Variants in KMT2C observed in about 807,000 individuals in gnomAD.
KMT2C encodes the protein lysine methyltransferase 2C.
KMT2C carries 88 observed loss-of-function variants against 507.9 expected under a neutral mutation model. That is an observed-to-expected ratio of 0.17 (90% CI 0.15 to 0.21). The LOEUF is 0.21. Ranked by LOEUF, KMT2C falls within the 10% of genes least tolerant of loss-of-function variation. KMT2C has a pLI of 1.00. For missense variants in KMT2C, 4,954 were observed against 5,957.8 expected (o/e 0.83, Z 5.55); for synonymous variants, 2,049 against 2,080.8 (o/e 0.98, Z 0.42).
At chr7:152,397,064 T>C (rs1459086694) in intron 1 of KMT2C, among the ~76,000 whole-genome samples, 2 of 152,156 alleles carry the variant, frequency 1.3e-5, no homozygotes, top group African/African-American at 2.4e-5. Flanking sequence ...CTAAGATCAA[T>C]CTCTAATCTA....
intron 1 of KMT2C, among the ~76,000 whole-genome samples, chr7:152,410,724 C>T (rs1006635271): frequency 2.0e-5 from 3 of 151,258 alleles, no homozygotes; most frequent in African/African-American, 7.3e-5. Context: ...CAGCCGGGCC[C>T]AGTGACTCAC....
intron 7 of KMT2C, among the ~76,000 whole-genome samples, chr7:152,272,901 T>C (rs575472172): frequency 2.6e-4 from 40 of 152,066 alleles, no homozygotes; most frequent in Non-Finnish European, 5.0e-4. Flanking sequence ...AAGGAACAGA[T>C]AAAAGCTAAC....
chr7:152,181,688 C>T lies in KMT2C; in HGVS notation c.6172G>A (p.Gly2058Arg), dbSNP rs1400109170. The T allele has an allele frequency of 6.2e-7, 1 of 1,614,082 alleles. No homozygotes were observed. The highest frequency in any genetic ancestry group is 1.1e-5 in the South Asian group (1 of 91,086). Reference protein sequence around the residue: ...QPPPSSQDPYGSVSQASRRLS... With the variant: ...QPPPSSQDPYRSVSQASRRLS... ...CGCCTTGATGCCTGTGACACTGATC[C>T]ATAAGGATCCTGAGAGGATGGAGGA... is the stretch of plus-strand genomic sequence containing the variant. Residue 2058 changes from glycine (G) to arginine (R), a missense_variant, in exon 36 of 59, where the codon GGA becomes AGA. Around this residue, in one of 29 missense-constraint regions of KMT2C, gnomAD observed 1,689 missense variants for 1,654.3 expected, o/e 1.02. Coordinates refer to ENST00000262189, the MANE Select transcript of KMT2C (RefSeq NM_170606.3).
At chr7:152,289,770 A>C (rs966749479) in intron 6 of KMT2C, among the ~76,000 whole-genome samples, 1 of 152,188 alleles carries the variant, frequency 6.6e-6, no homozygotes, top group Non-Finnish European at 1.5e-5. Flanking sequence ...TTATTTATTA[A>C]AAATGTGTAG....
At chr7:152,320,860 T>C (rs977664271) in intron 3 of KMT2C, among the ~76,000 whole-genome samples, 4 of 152,026 alleles carry the variant, frequency 2.6e-5, no homozygotes, top group Non-Finnish European at 5.9e-5. Flanking sequence ...ACATGATACA[T>C]AGCAAGTGAC....
chr7:152,187,513 A>G (rs1305245165), intron 32 of KMT2C, 37 bp from the exon 33 acceptor site: 1 of 1,552,186 alleles, frequency 6.4e-7, no homozygotes, highest in Non-Finnish European at 8.9e-7. Context: ...TATGAACATA[A>G]AATAACTTCT....
rs745513375 is a variant in KMT2C, at chr7:152,252,081, G to A, written c.1479C>T (p.His493=). 10 of 1,607,718 alleles carry A rather than the reference G, an allele frequency of 6.2e-6. No individual in the cohort carries two copies. Among genetic ancestry groups the A allele is most frequent in the East Asian group, 2.2e-5 (1 of 44,756 alleles). ...GATCTGTTGGTTTGTCACACTCTAGGTGAACCCACCTGCAGTGATAAGTAT... is the reference window on the plus strand; with the variant it reads ...GATCTGTTGGTTTGTCACACTCTAGATGAACCCACCTGCAGTGATAAGTAT... ...LHCNMCKRWV[H]LECDKPTDHE... Residue 493 remains histidine, a synonymous_variant, in exon 11 of 59, where the codon CAC becomes CAT. Transcript: ENST00000262189.
In KMT2C at chr7:152,364,930, G is replaced by GACACAC. The variant is rs771689076; in HGVS notation, c.162-6256_162-6255insGTGTGT. 8.5e-3 allele frequency among the ~76,000 whole-genome samples: 1,107 copies of GACACAC among 130,244 alleles called. 16 individuals are homozygous for GACACAC. The highest frequency in any genetic ancestry group is 0.033 in the African/African-American group (1,056 of 32,248). 85.4% of individuals were successfully genotyped at this position (130,244 alleles called of 152,430 possible). On this transcript the variant is annotated intron_variant, in intron 1 of 58. Coordinates refer to ENST00000262189, the MANE Select transcript of KMT2C (RefSeq NM_170606.3). The stretch of plus-strand genomic sequence containing the variant: ...TCCAAGCACAACAAAATCTGAAACA[G>GACACAC]ACAGACACACACACACACACACACA...
At chr7:152,428,777 G>C (rs1473284565) in intron 1 of KMT2C, among the ~76,000 whole-genome samples, 1 of 152,070 alleles carries the variant, frequency 6.6e-6, no homozygotes, top group Admixed American at 6.6e-5. Context: ...CTTCCCCAAG[G>C]CTGTTATTAT....
At chr7:152,422,840 G>T (rs533046109) in intron 1 of KMT2C, among the ~76,000 whole-genome samples, 2 of 151,730 alleles carry the variant, frequency 1.3e-5, no homozygotes, top group South Asian at 4.2e-4. Context: ...TGGCTAACAC[G>T]GTGAAACCCC....
intron 40 of KMT2C, 44 bp from the exon 41 acceptor site, chr7:152,169,293 G>A (rs902616167): frequency 6.7e-6 from 7 of 1,045,952 alleles, no homozygotes; most frequent in African/African-American, 1.6e-5. Flanking sequence ...CCACATTTCA[G>A]TTAAAGGGGG....
At chr7:152,190,324 C>T (rs909105373) in intron 31 of KMT2C, among the ~76,000 whole-genome samples, 2 of 152,166 alleles carry the variant, frequency 1.3e-5, no homozygotes, top group Non-Finnish European at 2.9e-5. Context: ...GTGCCATCTA[C>T]CGATATTACA....
At position 152,203,052 on chromosome 7, in the gene KMT2C, T is replaced by G; in HGVS notation, c.3974A>C (p.Gln1325Pro). 2 of 1,609,434 alleles carry G rather than the reference T, an allele frequency of 1.2e-6. No individual in the cohort carries two copies. Among genetic ancestry groups the G allele is most frequent in the Non-Finnish European group, 1.7e-6 (2 of 1,177,892 alleles). Residue 1325 changes from glutamine (Q) to proline (P), a missense_variant, in exon 26 of 59, where the codon CAG (glutamine) becomes CCG (proline). By Grantham distance (76) the Gln-to-Pro change is moderately conservative. This residue lies in a region of KMT2C where 176 missense variants were observed against 262.0 expected (regional missense o/e 0.67). Coordinates refer to ENST00000262189, the MANE Select transcript of KMT2C (RefSeq NM_170606.3). Reference protein sequence around the residue: ...LPCRDDGWSEQLPDTLVDESV... With the variant: ...LPCRDDGWSEPLPDTLVDESV... The stretch of plus-strand genomic sequence containing the variant: ...TTCATCAACTAAAGTATCTGGTAAC[T>G]GCTCACTCCAGCCTGAAACAACAGT...
chr7:152,368,551 C>T (rs1047080172), intron 1 of KMT2C: 74 of 1,380,470 alleles, frequency 5.4e-5, no homozygotes, highest in Non-Finnish European at 7.2e-5. Context: ...AGAGGAAAAA[C>T]GTCGTCAGTT....
At chr7:152,325,564 G>A (rs949636936) in intron 3 of KMT2C, among the ~76,000 whole-genome samples, 6 of 150,974 alleles carry the variant, frequency 4.0e-5, no homozygotes, top group South Asian at 2.1e-4. Context: ...GGGCTCAAGC[G>A]ATCCTCCCAC....
intron 25 of KMT2C, among the ~76,000 whole-genome samples, chr7:152,204,082 C>T (rs1235265774): frequency 6.6e-6 from 1 of 151,820 alleles, no homozygotes; most frequent in Non-Finnish European, 1.5e-5. Context: ...ATAAGAAATA[C>T]ACCTTCACAC....
chr7:152,358,600 C>T lies in KMT2C; in HGVS notation c.237G>A (p.Thr79=), dbSNP rs2129231433. The T allele has an allele frequency of 1.9e-6, 3 of 1,606,696 alleles. No individual in the cohort carries two copies. Among genetic ancestry groups the T allele is most frequent in the Non-Finnish European group, 2.6e-6 (3 of 1,174,256 alleles). Residue 79 remains threonine, a synonymous_variant, in exon 2 of 59, where the codon ACG becomes ACA. Coordinates refer to ENST00000262189, the MANE Select transcript of KMT2C (RefSeq NM_170606.3). ...GAGTTCTGATACCTGTTTCCACAAT[C>T]GTTTCTGTTTCTGTTGTCTCCAGCC... The part of the protein sequence containing the change: ...MDGLETTETE[T]IVETEIKEQS...
chr7:152,318,626 CAAA>C (rs67446037), intron 3 of KMT2C, among the ~76,000 whole-genome samples: 4,623 of 54,110 alleles, frequency 0.085, 81 homozygotes, highest in African/African-American at 0.17. Flanking sequence ...GACTCCATCT[CAAA>C]AAAAAAAAAA....
rs2129108563 is a variant in KMT2C at position 152,171,302 on chromosome 7, T to C, written c.9415A>G (p.Ser3139Gly). ...MGQVVTGTQN[S>G]EGQNLGPQAI... ...TGTGGTCCAAGGTTCTGTCCTTCAC[T>C]GTTCTGTGTTCCAGTTACCACCTGG... is the stretch of plus-strand genomic sequence containing the variant. The change falls in exon 40 of 59, where the codon AGT becomes GGT. Residue 3139 changes from serine to glycine, a missense_variant. Physicochemically the swap from Ser to Gly is moderately conservative, Grantham distance 56. Around this residue, in one of 29 missense-constraint regions of KMT2C, gnomAD observed 1,689 missense variants for 1,654.3 expected, o/e 1.02. Coordinates refer to ENST00000262189, the MANE Select transcript of KMT2C (RefSeq NM_170606.3). 6.2e-7 allele frequency: 1 copy of C among 1,609,742 alleles called. No homozygotes were observed. Among genetic ancestry groups the C allele is most frequent in the Non-Finnish European group, 8.5e-7 (1 of 1,177,980 alleles).
Sources: allele counts gnomAD v4.1 joint callset (sites outside exome capture counted in the v4.1 genomes callset), GRCh38; gene constraint gnomAD v4.1.1; regional missense constraint gnomAD v4.1.1; transcripts MANE v1.5; gene names NCBI Gene and HGNC (gene_info 2026-07-23, HGNC 2026-07-21).